The following RD3L variants were observed in gnomAD, a reference collection of about 807,000 sequenced individuals.
The protein encoded by RD3L is protein RD3-like.
A neutral mutation model predicts 12.5 loss-of-function variants in RD3L; 6 were observed. The ratio of observed to expected loss-of-function variants is 0.48; its 90% confidence interval spans 0.26 to 0.95. The LOEUF is 0.95. Among genes scored for constraint, RD3L ranks in the 40% least tolerant of loss-of-function variants. The pLI is 0.14. For missense variants in RD3L, 234 were observed against 228.6 expected (o/e 1.02, Z -0.15); for synonymous variants, 87 against 79.3 (o/e 1.10, Z -0.52).
Position 103,940,980 on chromosome 14 carries a change from G to T in RD3L, c.423C>A (p.Asp141Glu). 1 of 1,535,420 alleles carries T rather than the reference G, an allele frequency of 6.5e-7. No homozygotes were observed. Among genetic ancestry groups the T allele is most frequent in the Non-Finnish European group, 8.7e-7 (1 of 1,146,720 alleles). The change falls in exon 3 of 3, where the codon GAC becomes GAA. Residue 141 changes from aspartate (D) to glutamate (E), a missense_variant. By Grantham distance (45) the Asp-to-Glu change is conservative. Transcript: ENST00000557640. The stretch of plus-strand genomic sequence containing the variant: ...GAGCAGAGCAGTCCATGCTCCCTGA[G>T]TCCTCCAGGTCCTCTTGCTCACTCC... ...DRGSEQEDLE[D>E]SGSMDCSAPS... is the part of the protein sequence containing the mutation.
chr14:103,941,149 TTATATC>T (rs2031204947), intron 2 of RD3L, 46 bp from the exon 3 acceptor site: 1 of 1,376,050 alleles, frequency 7.3e-7, no homozygotes, highest in Non-Finnish European at 9.8e-7. Flanking sequence ...ACATTTTTTG[TTATATC>T]TCTTTATCTC....
chr14:103,941,615 T>C lies in RD3L; in HGVS notation c.81A>G (p.Thr27=). The stretch of plus-strand genomic sequence containing the variant: ...ATTTTAATTCCCGAAGCAGAGTCTT[T>C]GTCACTATGTCTGAGCCAGGATAGT... ...PTHYPGSDIV[T]KTLLRELKWH... Residue 27 remains threonine (T), a synonymous_variant, in exon 2 of 3, where the codon ACA becomes ACG. Coordinates refer to ENST00000557640, the MANE Select transcript of RD3L (RefSeq NM_001257268.2). 1 of 1,535,314 alleles carries C rather than the reference T, an allele frequency of 6.5e-7. No homozygotes were observed. Among genetic ancestry groups the C allele is most frequent in the Non-Finnish European group, 8.7e-7 (1 of 1,146,592 alleles).
chr14:103,941,588 C>A lies in RD3L; in HGVS notation c.108G>T (p.Trp36Cys). 1.3e-6 allele frequency: 2 copies of A among 1,535,096 alleles called. No homozygotes were observed. Among genetic ancestry groups the A allele is most frequent in the South Asian group, 2.4e-5 (2 of 84,040 alleles). Residue 36 changes from tryptophan to cysteine, a missense_variant, in exon 2 of 3, where the codon TGG (tryptophan) becomes TGT (cysteine). Trp to Cys is a radical substitution (Grantham distance 215). Coordinates refer to ENST00000557640, the MANE Select transcript of RD3L (RefSeq NM_001257268.2). ...TTAATCTCTCTCGCTCCTTTAGGTG[C>A]CATTTTAATTCCCGAAGCAGAGTCT... ...VTKTLLRELK[W>C]HLKERERLIQ... is the part of the protein sequence containing the mutation.
intron 2 of RD3L, 57 bp from the exon 3 acceptor site, chr14:103,941,160 T>G (rs1218659290): frequency 1.6e-5 from 21 of 1,322,506 alleles, no homozygotes; most frequent in Admixed American, 2.3e-5. Flanking sequence ...TATATCTCTT[T>G]ATCTCCAAAA....
rs1374701915 is a variant in RD3L, at chr14:103,941,001, A to G, written c.402T>C (p.Ser134=). 2 of 1,535,280 alleles carry G rather than the reference A, an allele frequency of 1.3e-6. No homozygotes were observed. The highest frequency in any genetic ancestry group is 4.9e-5 in the East Asian group (2 of 40,906). The change falls in exon 3 of 3, where the codon AGT becomes AGC. Residue 134 remains serine (S), a synonymous_variant. Coordinates refer to ENST00000557640, the MANE Select transcript of RD3L (RefSeq NM_001257268.2). ...CTGAGTCCTCCAGGTCCTCTTGCTC[A>G]CTCCCTCTGTCAGAGCTGCTTAGGA... ...KDFLSSSDRG[S]EQEDLEDSGS...
At chr14:103,941,324 G>T in intron 2 of RD3L, 73 bp downstream of exon 2, 1 of 1,148,944 alleles carries the variant, frequency 8.7e-7, no homozygotes, top group Non-Finnish European at 1.2e-6. Flanking sequence ...ATAGAATACA[G>T]TTTCTAGTCA....
In RD3L at chr14:103,941,079, A is replaced by G; in HGVS notation, c.324T>C (p.Asn108=). The G allele has an allele frequency of 6.5e-7, 1 of 1,534,138 alleles. No homozygotes were observed. The highest frequency in any genetic ancestry group is 2.0e-5 in the Admixed American group (1 of 50,910). The change falls in exon 3 of 3, where the codon AAT becomes AAC. Residue 108 remains asparagine, a synonymous_variant. Coordinates refer to ENST00000557640, the MANE Select transcript of RD3L (RefSeq NM_001257268.2). The part of the protein sequence containing the change: ...LSRFREVLAE[N]DVLPWEIVYI... ...AGACTATTTCCCATGGCAGTACATC[A>G]TTTTCTGCCAAAACTTCTCGAAATC...
At position 103,941,684 on chromosome 14, in the gene RD3L, A is replaced by G. The variant is rs1374939906; in HGVS notation, c.12T>C (p.Phe4=). Residue 4 remains phenylalanine, a synonymous_variant, in exon 2 of 3, where the codon TTT becomes TTC. Coordinates refer to ENST00000557640, the MANE Select transcript of RD3L (RefSeq NM_001257268.2). MPL[F]GWMKWPKNDS... is the part of the protein sequence containing the mutation. ...CGTTTTTGGGCCATTTCATCCAGCC[A>G]AAAAGTGGCATTTTTAGCCTATGGA... 1 of 1,512,826 alleles carries G rather than the reference A, an allele frequency of 6.6e-7. No individual in the cohort carries two copies. The highest frequency in any genetic ancestry group is 2.1e-5 in the Admixed American group (1 of 46,776). The allele number at this position is 1,512,826 out of a possible 1,614,324, so 93.7% of individuals were successfully genotyped here.
chr14:103,940,869 C>T lies in RD3L; in HGVS notation c.534G>A (p.Lys178=). Residue 178 remains lysine (K), a synonymous_variant, in exon 3 of 3, where the codon AAG becomes AAA. Coordinates refer to ENST00000557640, the MANE Select transcript of RD3L (RefSeq NM_001257268.2). ...TISSYVDKNT[K]DRFPVFSHRI... ...TGTGTGAGAACACTGGGAACCTGTCCTTTGTGTTTTTGTCTACGTAACTGG... is the reference window on the plus strand; with the variant it reads ...TGTGTGAGAACACTGGGAACCTGTCTTTTGTGTTTTTGTCTACGTAACTGG... 6.5e-7 allele frequency: 1 copy of T among 1,535,252 alleles called. No homozygotes were observed.
In RD3L at chr14:103,940,783, A is replaced by C; in HGVS notation, c.*23T>G. On this transcript the variant is annotated 3_prime_UTR_variant, in exon 3 of 3. Transcript: ENST00000557640. ...ATTAGGAGTTCTAAGGTGTTCATAA[A>C]AACCCCTCTAGTTGTAAGTAACTTA... 6.7e-7 allele frequency: 1 copy of C among 1,498,942 alleles called. No individual in the cohort carries two copies. The highest frequency in any genetic ancestry group is 9.0e-7 in the Non-Finnish European group (1 of 1,115,446). The allele number at this position is 1,498,942 out of a possible 1,614,324, so 92.9% of individuals were successfully genotyped here.
Position 103,940,518 on chromosome 14 carries a change from CT to C in RD3L, c.*287del, listed in dbSNP as rs1328797442. ...TAAGTTTTGTACAGAATTTGTCAGA[CT>C]TCATACTAAAGTTGCTTTAGTTCCT... On this transcript the variant is annotated 3_prime_UTR_variant, in exon 3 of 3. Transcript: ENST00000557640. 3.8e-6 allele frequency: 1 copy of C among 265,738 alleles called. No homozygotes were observed. Among genetic ancestry groups the C allele is most frequent in the Admixed American group, 4.9e-5 (1 of 20,600 alleles). The allele number at this position is 265,738 out of a possible 1,614,324, so 16.5% of individuals were successfully genotyped here.
At position 103,941,606 on chromosome 14, in the gene RD3L, CAG is replaced by C. The variant is rs2031239753; in HGVS notation, c.88_89del (p.Leu30AlafsTer21). The C allele has an allele frequency of 2.0e-6, 3 of 1,535,218 alleles. No homozygotes were observed. Among genetic ancestry groups the C allele is most frequent in the Non-Finnish European group, 2.6e-6 (3 of 1,146,600 alleles). On this transcript the variant is annotated frameshift_variant, in exon 2 of 3. Transcript: ENST00000557640. LOFTEE classifies it high-confidence loss of function. ...YPGSDIVTKT[L>X]LRELKWHLKE... Reference sequence around the variant, plus strand: ...TTAGGTGCCATTTTAATTCCCGAAGCAGAGTCTTTGTCACTATGTCTGAGCCA... The same window carrying C: ...TTAGGTGCCATTTTAATTCCCGAAGCAGTCTTTGTCACTATGTCTGAGCCA...
chr14:103,941,284 A>C, intron 2 of RD3L, 113 bp downstream of exon 2: 2 of 873,496 alleles, frequency 2.3e-6, no homozygotes, highest in South Asian at 2.3e-5. Flanking sequence ...ATTGCTCACC[A>C]GACATCTACA....
Position 103,940,760 on chromosome 14 carries a change from T to C in RD3L, c.*46A>G. ...CATCACTTTTTCTTATTCTTAATAT[T>C]AGGAGTTCTAAGGTGTTCATAAAAA... On this transcript the variant is annotated 3_prime_UTR_variant, in exon 3 of 3. Coordinates refer to ENST00000557640, the MANE Select transcript of RD3L (RefSeq NM_001257268.2). 1 of 1,266,172 alleles carries C rather than the reference T, an allele frequency of 7.9e-7. No homozygotes were observed. The highest frequency in any genetic ancestry group is 1.1e-6 in the Non-Finnish European group (1 of 918,054). 78.4% of individuals were successfully genotyped at this position (1,266,172 alleles called of 1,614,324 possible).
Position 103,942,171 on chromosome 14 carries a change from A to G in RD3L, c.-87T>C, listed in dbSNP as rs2031277071. On this transcript the variant is annotated 5_prime_UTR_variant, in exon 1 of 3. Coordinates refer to ENST00000557640, the MANE Select transcript of RD3L (RefSeq NM_001257268.2). ...ACGAAGCTGTGTTTCACTGGGACGT[A>G]TCTTGCTCTCCTAGGTGTGTCCTCT... is the stretch of plus-strand genomic sequence containing the variant. 6.2e-6 allele frequency: 1 copy of G among 161,614 alleles called. No individual in the cohort carries two copies. The highest frequency in any genetic ancestry group is 2.4e-5 in the African/African-American group (1 of 41,500). The allele number at this position is 161,614 out of a possible 1,614,324, so 10.0% of individuals were successfully genotyped here.
In RD3L at chr14:103,942,264, G is replaced by GA. The variant is rs2031284972; in HGVS notation, c.-181_-180insT. ...TTGAAATAAATAACTTTCTGTGTTAGGAATGAGGCTGTGATGTCTTCATTT... is the reference window on the plus strand; with the variant it reads ...TTGAAATAAATAACTTTCTGTGTTAGAGAATGAGGCTGTGATGTCTTCATTT... On this transcript the variant is annotated 5_prime_UTR_variant, in exon 1 of 3. An upstream open reading frame in the 5' UTR loses its in-frame stop. Coordinates refer to ENST00000557640, the MANE Select transcript of RD3L (RefSeq NM_001257268.2). 1 of 152,454 alleles carries GA rather than the reference G, an allele frequency of 6.6e-6. No individual in the cohort carries two copies. The highest frequency in any genetic ancestry group is 1.5e-5 in the Non-Finnish European group (1 of 68,256). 9.4% of individuals were successfully genotyped at this position (152,454 alleles called of 1,614,324 possible).
Position 103,941,335 on chromosome 14 carries a change from A to G in RD3L, c.299+62T>C, listed in dbSNP as rs77627994. Reference sequence around the variant, plus strand: ...CATGATAGAATACAGTTTCTAGTCAAAATATATGAGGAACTTGGACTTAGC... The same window carrying G: ...CATGATAGAATACAGTTTCTAGTCAGAATATATGAGGAACTTGGACTTAGC... On this transcript the variant is annotated intron_variant, in intron 2 of 2. Coordinates refer to ENST00000557640, the MANE Select transcript of RD3L (RefSeq NM_001257268.2). The G allele has an allele frequency of 3.2e-6, 4 of 1,256,240 alleles. No homozygotes were observed. In the Admixed American group the frequency reaches 9.8e-5, roughly 31 times the overall value. 77.8% of individuals were successfully genotyped at this position (1,256,240 alleles called of 1,614,324 possible).
At position 103,941,436 on chromosome 14, in the gene RD3L, G is replaced by A. The variant is rs1470251764; in HGVS notation, c.260C>T (p.Ser87Leu). ...TEQRQLEVLC[S>L]QVQPCQTGTI... The stretch of plus-strand genomic sequence containing the variant: ...TCCAGTTTGGCAAGGTTGAACTTGT[G>A]AGCAAAGAACTTCAAGTTGTCTTTG... The change falls in exon 2 of 3, where the codon TCA (serine) becomes TTA (leucine). Residue 87 changes from serine to leucine, a missense_variant. Transcript: ENST00000557640. 6.5e-7 allele frequency: 1 copy of A among 1,535,306 alleles called. No homozygotes were observed. The highest frequency in any genetic ancestry group is 8.7e-7 in the Non-Finnish European group (1 of 1,146,648).
In RD3L at chr14:103,941,526, GT is replaced by G; in HGVS notation, c.169del (p.Thr57GlnfsTer20). The G allele has an allele frequency of 6.5e-7, 1 of 1,535,198 alleles. No homozygotes were observed. Among genetic ancestry groups the G allele is most frequent in the Non-Finnish European group, 8.7e-7 (1 of 1,146,612 alleles). On this transcript the variant is annotated frameshift_variant, in exon 2 of 3. Transcript: ENST00000557640. LOFTEE classifies it high-confidence loss of function. ...TCTGAGCCAGTTGTAATCCACACCT[GT>G]TTTTTTCACTTTTTGTTCATTTTCG... ...EIENEQKVKK[T>X]GVDYNWLRNY...
Sources: gnomAD v4.1 joint callset for allele counts on GRCh38, gnomAD v4.1.1 for gene constraint, MANE v1.5 for transcripts, NCBI Gene and HGNC (gene_info 2026-07-23, HGNC 2026-07-21) for gene names.